The following TSNARE1 variants were observed in gnomAD, a reference collection of about 807,000 sequenced individuals.
TSNARE1 encodes t-SNARE domain containing 1, also known as t-SNARE domain-containing protein 1.
Under a neutral mutation model 62.0 loss-of-function variants are expected in TSNARE1, and 49 were observed. The observed-to-expected ratio is 0.79, with a 90% CI of 0.63 to 1.00. TSNARE1 has a LOEUF of 1.00. Ranked by LOEUF, TSNARE1 falls within the 50% of genes least tolerant of loss-of-function variation. TSNARE1 has a pLI of 0.00. For missense variants in TSNARE1, 755 were observed against 700.1 expected (o/e 1.08, Z -0.88); for synonymous variants, 328 against 294.4 (o/e 1.11, Z -1.17).
intron 11 of TSNARE1, 47 bp downstream of exon 11, chr8:142,284,366 C>A (rs1255993579): frequency 6.6e-7 from 1 of 1,510,438 alleles, no homozygotes; most frequent in South Asian, 1.1e-5. Context: ...GGCTGGCAGG[C>A]AGGCCCTCGG....
chr8:142,320,138 G>A (rs191694224), intron 6 of TSNARE1, among the ~76,000 whole-genome samples: 10 of 152,196 alleles, frequency 6.6e-5, no homozygotes, highest in African/African-American at 1.2e-4. Context: ...TCCCGTCCCC[G>A]GCCCACTCAC....
intron 6 of TSNARE1, among the ~76,000 whole-genome samples, chr8:142,325,761 G>A (rs570308248): frequency 1.1e-4 from 17 of 152,348 alleles, no homozygotes; most frequent in Admixed American, 6.5e-4. Context: ...GAGGGGAGGA[G>A]GTCAGAGAGG....
chr8:142,230,871 T>G (rs1486846510), intron 12 of TSNARE1, among the ~76,000 whole-genome samples: 1 of 150,626 alleles, frequency 6.6e-6, no homozygotes, highest in African/African-American at 2.4e-5. Context: ...CATCTATCCA[T>G]CCATCCATCC....
rs1487461243 is a variant in TSNARE1 at position 142,331,744 on chromosome 8, G to A, written c.823+10C>T. Reference sequence around the variant, plus strand: ...ATGGAGGGGCAGGCCCAGGCCAGACGCACACTCACCACTGGAGTTGATTCG... The same window carrying A: ...ATGGAGGGGCAGGCCCAGGCCAGACACACACTCACCACTGGAGTTGATTCG... On this transcript the variant is annotated intron_variant, in intron 5 of 13. Coordinates refer to ENST00000524325, the MANE Select transcript of TSNARE1 (RefSeq NM_145003.5). The A allele has an allele frequency of 1.0e-5, 16 of 1,587,898 alleles. No individual in the cohort carries two copies. Among genetic ancestry groups the A allele is most frequent in the Admixed American group, 7.1e-5 (4 of 56,588 alleles).
intron 4 of TSNARE1, among the ~76,000 whole-genome samples, chr8:142,340,807 C>T (rs552284429): frequency 1.3e-5 from 2 of 152,208 alleles, no homozygotes; most frequent in Non-Finnish European, 2.9e-5. Context: ...CCAGCCCACA[C>T]GCAGGCAGGG....
intron 12 of TSNARE1, among the ~76,000 whole-genome samples, chr8:142,264,958 C>T (rs1251591044): frequency 1.3e-5 from 2 of 152,164 alleles, no homozygotes; most frequent in African/African-American, 4.8e-5. Flanking sequence ...TCTGTGTTAT[C>T]TGCTTCTCCT....
At chr8:142,308,384 G>A (rs1827032317) in intron 9 of TSNARE1, among the ~76,000 whole-genome samples, 1 of 152,156 alleles carries the variant, frequency 6.6e-6, no homozygotes, top group Non-Finnish European at 1.5e-5. Context: ...TTCTGCACAG[G>A]GTGAGCTGAC....
At chr8:142,256,211 C>T (rs1229964406) in intron 12 of TSNARE1, among the ~76,000 whole-genome samples, 4 of 116,232 alleles carry the variant, frequency 3.4e-5, no homozygotes, top group African/African-American at 1.3e-4. Context: ...ACCACTGTCA[C>T]CATCACCATC....
Position 142,237,017 on chromosome 8 carries a change from G to A in TSNARE1, c.1447-7438C>T, listed in dbSNP as rs116868021. Among the ~76,000 whole-genome samples, 13 of 152,292 alleles carry A rather than the reference G, an allele frequency of 8.5e-5. No individual in the cohort carries two copies. The East Asian group carries it at 2.3e-3, about 27-fold the overall frequency. ...GAAGGGAAGAGCCCATGGTTATGAG[G>A]GGGGAGCTTTTTAGGCAATCAAAAG... On this transcript the variant is annotated intron_variant, in intron 12 of 13. Coordinates refer to ENST00000524325, the MANE Select transcript of TSNARE1 (RefSeq NM_145003.5).
Position 142,276,495 on chromosome 8 carries a change from G to A in TSNARE1, c.1364-1632C>T, listed in dbSNP as rs78931631. ...CCTGCAGTGGTAACAGCCTGGCCTC[G>A]CTTCTGTTGCTGAGAGGTGAATGTG... On this transcript the variant is annotated intron_variant, in intron 11 of 13. Coordinates refer to ENST00000524325, the MANE Select transcript of TSNARE1 (RefSeq NM_145003.5). The A allele has an allele frequency of 1.6e-4, 160 of 985,480 alleles. 1 individual carries two copies. The highest frequency in any genetic ancestry group is 1.1e-3 in the East Asian group (10 of 8,808). 61.0% of individuals were successfully genotyped at this position (985,480 alleles called of 1,614,324 possible).
chr8:142,272,505 C>T, intron 12 of TSNARE1: 1 of 278,076 alleles, frequency 3.6e-6, no homozygotes, highest in Non-Finnish European at 5.0e-6. Context: ...TCCATCCATC[C>T]ACCACCCGTC....
At chr8:142,331,423 T>C (rs1586849692) in intron 5 of TSNARE1, among the ~76,000 whole-genome samples, 2 of 152,070 alleles carry the variant, frequency 1.3e-5, no homozygotes, top group Non-Finnish European at 2.9e-5. Context: ...ACAAAAGGTG[T>C]CAAGAAGGAG....
intron 9 of TSNARE1, among the ~76,000 whole-genome samples, chr8:142,313,414 C>CTG (rs376758279): frequency 0.022 from 3,261 of 147,746 alleles, 54 homozygotes; most frequent in Middle Eastern, 0.097. Context: ...GTTTATGTGT[C>CTG]TGTGTGTTTA....
At chr8:142,371,851 G>C (rs1451307597) in intron 1 of TSNARE1, among the ~76,000 whole-genome samples, 2 of 152,252 alleles carry the variant, frequency 1.3e-5, no homozygotes, top group Non-Finnish European at 2.9e-5. Flanking sequence ...CTCATCTGCA[G>C]TAAAGCTTTG....
chr8:142,308,508 C>T (rs561776738), intron 9 of TSNARE1, among the ~76,000 whole-genome samples: 5 of 152,262 alleles, frequency 3.3e-5, no homozygotes, highest in South Asian at 2.1e-4. Flanking sequence ...CAAACCCAGC[C>T]GCCACGTACG....
intron 12 of TSNARE1, among the ~76,000 whole-genome samples, chr8:142,269,110 T>C (rs181861935): frequency 1.8e-4 from 28 of 152,332 alleles, no homozygotes; most frequent in African/African-American, 6.7e-4. Flanking sequence ...CAGCACTTAG[T>C]AAGGGCTCAG....
chr8:142,284,357 G>A (rs1044015644), intron 11 of TSNARE1, 56 bp downstream of exon 11: 2 of 1,421,060 alleles, frequency 1.4e-6, no homozygotes, highest in Non-Finnish European at 2.0e-6. Flanking sequence ...AGGGCTGGGG[G>A]CTGGCAGGCA....
At chr8:142,257,104 A>C (rs1586875913) in intron 12 of TSNARE1, among the ~76,000 whole-genome samples, 1 of 152,028 alleles carries the variant, frequency 6.6e-6, no homozygotes, top group Non-Finnish European at 1.5e-5. Context: ...AGACACAGAC[A>C]CCCTGACGTG....
chr8:142,397,771 T>G (rs13272936), intron 1 of TSNARE1, among the ~76,000 whole-genome samples: 43,101 of 151,984 alleles, frequency 0.28, 8,162 homozygotes, highest in African/African-American at 0.53. Context: ...CTGCTGCCAG[T>G]CCACTCAGCT....
Sources: gnomAD v4.1 joint callset for allele counts (sites outside exome capture counted in the v4.1 genomes callset) on GRCh38, gnomAD v4.1.1 for gene constraint, MANE v1.5 for transcripts, NCBI Gene and HGNC (gene_info 2026-07-23, HGNC 2026-07-21) for gene names.